Variants in FAM227B observed in about 807,000 individuals in gnomAD.
FAM227B encodes protein FAM227B.
A neutral mutation model predicts 73.8 loss-of-function variants in FAM227B; 88 were observed. That is an observed-to-expected ratio of 1.19 (90% confidence interval 1.00 to 1.42). The LOEUF (loss-of-function observed/expected upper bound fraction) is 1.42, where lower values mean the gene tolerates loss of function less well. Among genes scored for constraint, FAM227B ranks in the 40% most tolerant of loss-of-function variants. The pLI is 0.00. For synonymous variants in FAM227B, 210 were observed against 190.5 expected, an observed-to-expected ratio of 1.10 and a Z score of -0.84; for missense variants, 632 against 590.9, an observed-to-expected ratio of 1.07 and a Z score of -0.72.
chr15:49,614,224 G>A lies in FAM227B; in HGVS notation c.51+897C>T, dbSNP rs186932096. 1.2e-4 allele frequency among the ~76,000 whole-genome samples: 18 copies of A among 152,112 alleles called. No homozygotes were observed. In the East Asian group the frequency reaches 3.1e-3, roughly 26 times the overall value. On this transcript the variant is annotated intron_variant, in intron 2 of 15. Coordinates refer to ENST00000299338, the MANE Select transcript of FAM227B (RefSeq NM_152647.3). ...TTCTTTTGGGGTAAAATTAAAATAA[G>A]GTAAGGTATAAATTAAACAGATTTC...
intron 11 of FAM227B, among the ~76,000 whole-genome samples, chr15:49,438,849 G>A (rs1451373840): frequency 4.0e-5 from 6 of 151,504 alleles, no homozygotes; most frequent in Non-Finnish European, 7.4e-5. Context: ...GAGAGAGTGG[G>A]TGGTAAGGTG....
intron 11 of FAM227B, among the ~76,000 whole-genome samples, chr15:49,416,842 A>G (rs2049252248): frequency 6.6e-6 from 1 of 151,980 alleles, no homozygotes; most frequent in South Asian, 2.1e-4. Context: ...GGGAGGTGAA[A>G]GATCTCCAAA....
In FAM227B at chr15:49,341,533, G is replaced by T. The variant is rs563185876; in HGVS notation, c.1272-6037C>A. On this transcript the variant is annotated intron_variant, in intron 13 of 15. Transcript: ENST00000299338. ...ACCATGCCTAATTTTTGTATTTTTA[G>T]TAGAGATGAGGTTTCACCATGTTGC... Among the ~76,000 whole-genome samples the T allele has an allele frequency of 1.1e-4, 17 of 152,146 alleles. No individual in the cohort carries two copies. In the South Asian group the frequency reaches 3.5e-3, roughly 32 times the overall value.
chr15:49,361,917 G>T (rs187998847), intron 13 of FAM227B, among the ~76,000 whole-genome samples: 42 of 152,128 alleles, frequency 2.8e-4, no homozygotes, highest in African/African-American at 8.2e-4. Flanking sequence ...GTTATTTTTT[G>T]ACTTTTCCAT....
chr15:49,504,776 C>A (rs1286167224), intron 11 of FAM227B, among the ~76,000 whole-genome samples: 2 of 152,140 alleles, frequency 1.3e-5, no homozygotes, highest in Admixed American at 1.3e-4. Flanking sequence ...GCCTGCAGAA[C>A]CATGAGCCAA....
Position 49,568,225 on chromosome 15 carries a change from C to A in FAM227B, c.747+20G>T. ...TTCACTTTAAAAATAATTAGCATAA[C>A]TGTTAATTTCAATGCTTACCTGAAA... On this transcript the variant is annotated intron_variant, in intron 9 of 15. Transcript: ENST00000299338. 1 of 1,537,558 alleles carries A rather than the reference C, an allele frequency of 6.5e-7. No individual in the cohort carries two copies. The highest frequency in any genetic ancestry group is 2.3e-5 in the East Asian group (1 of 44,142).
At chr15:49,525,698 ATATATATATATATATATATATC>A (rs1340024421) in intron 10 of FAM227B, among the ~76,000 whole-genome samples, 1 of 66,808 alleles carries the variant, frequency 1.5e-5, no homozygotes, top group Non-Finnish European at 4.1e-5. Flanking sequence ...ATATATATAT[ATATATATATATATATATATATC>A]ACAAACAGAG....
At chr15:49,481,613 G>T (rs10851477) in intron 11 of FAM227B, among the ~76,000 whole-genome samples, 144,953 of 152,206 alleles carry the variant, frequency 0.95, 69,413 homozygotes, top group East Asian at 1. Context: ...TCAAAATTCT[G>T]CAAAATATAT....
chr15:49,568,220 CATAACTGTTA>C lies in FAM227B; in HGVS notation c.747+15_747+24del, dbSNP rs2074812529. 1.3e-6 allele frequency: 2 copies of C among 1,525,384 alleles called. No homozygotes were observed. The highest frequency in any genetic ancestry group is 1.8e-6 in the Non-Finnish European group (2 of 1,109,522). 94.5% of individuals were successfully genotyped at this position (1,525,384 alleles called of 1,614,324 possible). On this transcript the variant is annotated intron_variant, in intron 9 of 15. Coordinates refer to ENST00000299338, the MANE Select transcript of FAM227B (RefSeq NM_152647.3). Reference sequence around the variant, plus strand: ...TTTCATTCACTTTAAAAATAATTAGCATAACTGTTAATTTCAATGCTTACCTGAAAAAATG... The same window carrying C: ...TTTCATTCACTTTAAAAATAATTAGCATTTCAATGCTTACCTGAAAAAATG...
At chr15:49,459,927 A>C (rs1392883838) in intron 11 of FAM227B, among the ~76,000 whole-genome samples, 1 of 152,154 alleles carries the variant, frequency 6.6e-6, no homozygotes, top group African/African-American at 2.4e-5. Context: ...CACATTAGAG[A>C]CATTTCTTTT....
chr15:49,486,345 C>T (rs2056400486), intron 11 of FAM227B: 2 of 151,980 alleles, frequency 1.3e-5, no homozygotes, highest in Admixed American at 1.3e-4. Flanking sequence ...GAATGGTATT[C>T]TGAACTATCA....
chr15:49,547,296 G>A (rs1378736668), intron 9 of FAM227B, among the ~76,000 whole-genome samples: 1 of 151,356 alleles, frequency 6.6e-6, no homozygotes, highest in Non-Finnish European at 1.5e-5. Flanking sequence ...ACATGGAAAG[G>A]AACAACCAGT....
chr15:49,505,282 A>T (rs367713729), intron 11 of FAM227B, among the ~76,000 whole-genome samples: 6 of 152,272 alleles, frequency 3.9e-5, no homozygotes, highest in East Asian at 3.9e-4. Flanking sequence ...AAAAAGCATA[A>T]GGAACTTTTG....
chr15:49,481,903 AC>A (rs2055981617), intron 11 of FAM227B, among the ~76,000 whole-genome samples: 1 of 152,182 alleles, frequency 6.6e-6, no homozygotes, highest in South Asian at 2.1e-4. Context: ...GAGGCAAATG[AC>A]AAATATTAGC....
At chr15:49,382,025 T>C (rs2046568436) in intron 11 of FAM227B, among the ~76,000 whole-genome samples, 1 of 152,090 alleles carries the variant, frequency 6.6e-6, no homozygotes, top group South Asian at 2.1e-4. Flanking sequence ...TCTAAATGTA[T>C]AGAATAAAAA....
intron 1 of FAM227B, among the ~76,000 whole-genome samples, chr15:49,619,277 G>C (rs2078501708): frequency 6.6e-6 from 1 of 152,198 alleles, no homozygotes; most frequent in African/African-American, 2.4e-5. Flanking sequence ...AATCCTTTGA[G>C]AAGAGGGATC....
At chr15:49,353,760 A>G (rs1225626845) in intron 13 of FAM227B, 1 of 151,030 alleles carries the variant, frequency 6.6e-6, no homozygotes, top group Non-Finnish European at 1.5e-5. Flanking sequence ...AAATAACTAG[A>G]TGGGAGGGTT....
chr15:49,432,268 T>C (rs2050684811), intron 11 of FAM227B, among the ~76,000 whole-genome samples: 1 of 151,700 alleles, frequency 6.6e-6, no homozygotes, highest in African/African-American at 2.4e-5. Context: ...TAAGGTAATA[T>C]TTCCAAACTG....
chr15:49,337,878 C>G (rs1265749825), intron 13 of FAM227B, among the ~76,000 whole-genome samples: 1 of 152,168 alleles, frequency 6.6e-6, no homozygotes, highest in Non-Finnish European at 1.5e-5. Flanking sequence ...TGTGTATGTG[C>G]CACATTTTCT....
Sources: allele counts gnomAD v4.1 joint callset (sites outside exome capture counted in the v4.1 genomes callset), GRCh38; gene constraint gnomAD v4.1.1; transcripts MANE v1.5; gene names NCBI Gene and HGNC (gene_info 2026-07-23, HGNC 2026-07-21).